WWOX: variants seen among roughly 807,000 people sequenced by gnomAD.
WWOX encodes the protein WW domain-containing oxidoreductase.
WWOX carries 69 observed loss-of-function variants against 46.2 expected under a neutral mutation model. That is an observed-to-expected ratio of 1.49 (90% CI 1.23 to 1.82). The LOEUF is 1.82. Ranked by LOEUF, WWOX falls within the 40% of genes most tolerant of loss-of-function variation. WWOX has a pLI of 0.00. For missense variants in WWOX, 919 were observed against 542.6 expected, an observed-to-expected ratio of 1.69 and a Z score of -6.89; for synonymous variants, 359 against 202.6, an observed-to-expected ratio of 1.77 and a Z score of -6.56.
intron 8 of WWOX, among the ~76,000 whole-genome samples, chr16:78,957,926 A>G (rs1022262538): frequency 2.0e-5 from 3 of 152,300 alleles, no homozygotes; most frequent in East Asian, 3.9e-4. Context: ...CAACAACTCA[A>G]TTCACTGTCA....
intron 8 of WWOX, among the ~76,000 whole-genome samples, chr16:79,176,251 G>A (rs956953094): frequency 3.3e-5 from 5 of 152,206 alleles, no homozygotes; most frequent in South Asian, 2.1e-4. Flanking sequence ...TGGCAGCTAC[G>A]TTCCACAAAG....
chr16:79,076,376 G>A (rs1391064034), intron 8 of WWOX, among the ~76,000 whole-genome samples: 1 of 152,176 alleles, frequency 6.6e-6, no homozygotes, highest in Non-Finnish European at 1.5e-5. Context: ...AATTCACAAA[G>A]TGTTCATTCT....
intron 8 of WWOX, among the ~76,000 whole-genome samples, chr16:78,893,877 A>G (rs931081088): frequency 1.3e-5 from 2 of 152,154 alleles, no homozygotes; most frequent in Non-Finnish European, 2.9e-5. Flanking sequence ...CTAGAACACA[A>G]GATTTTCTAG....
intron 5 of WWOX, among the ~76,000 whole-genome samples, chr16:78,215,782 C>T (rs1216275912): frequency 2.6e-5 from 4 of 151,888 alleles, no homozygotes; most frequent in South Asian, 2.1e-4. Flanking sequence ...ACAAAACAGC[C>T]GGGTATGGTG....
chr16:78,634,837 A>AGAGAGTGTGTGT (rs1346762709), intron 8 of WWOX, among the ~76,000 whole-genome samples: 33 of 111,720 alleles, frequency 3.0e-4, no homozygotes, highest in Non-Finnish European at 5.9e-4. Context: ...AGAGAGAGAG[A>AGAGAGTGTGTGT]GTGTGTGTGT....
intron 5 of WWOX, among the ~76,000 whole-genome samples, chr16:78,358,186 C>T (rs2081337167): frequency 6.6e-6 from 1 of 152,136 alleles, no homozygotes; most frequent in Non-Finnish European, 1.5e-5. Flanking sequence ...ATCAACAATT[C>T]TCCTATCGAA....
intron 8 of WWOX, among the ~76,000 whole-genome samples, chr16:78,554,692 C>T (rs775627640): frequency 8.6e-5 from 13 of 152,036 alleles, no homozygotes; most frequent in African/African-American, 1.2e-4. Context: ...TGAATAGGAC[C>T]GTAGAGGTGG....
chr16:78,144,468 C>CAT (rs1215805172), intron 4 of WWOX, among the ~76,000 whole-genome samples: 1,680 of 14,342 alleles, frequency 0.12, 332 homozygotes, highest in Middle Eastern at 0.3. Context: ...TATATACACA[C>CAT]ATATATATAT....
chr16:78,379,963 G>T (rs529640421), intron 5 of WWOX, among the ~76,000 whole-genome samples: 10 of 152,166 alleles, frequency 6.6e-5, no homozygotes, highest in Admixed American at 1.3e-4. Flanking sequence ...GATTGAATCT[G>T]GAAAACGCAT....
At chr16:78,684,823 A>T (rs1298450399) in intron 8 of WWOX, among the ~76,000 whole-genome samples, 1 of 152,192 alleles carries the variant, frequency 6.6e-6, no homozygotes, top group East Asian at 1.9e-4. Context: ...TGAAGCAGTT[A>T]TAGCTTCAGA....
rs1025434036 is a variant in WWOX at position 79,076,050 on chromosome 16, A to G, written c.1057-135558A>G. ...GTATATGTAGAACCATTTTCTTGAA[A>G]ATGTTTCTTAGAAATTTGTTACTTA... On this transcript the variant is annotated intron_variant, in intron 8 of 8. Transcript: ENST00000566780. 4.6e-5 allele frequency among the ~76,000 whole-genome samples: 7 copies of G among 152,160 alleles called. 1 individual carries two copies. The highest frequency in any genetic ancestry group is 1.0e-4 in the Non-Finnish European group (7 of 68,038).
chr16:78,315,929 C>G (rs1034328076), intron 5 of WWOX, among the ~76,000 whole-genome samples: 1 of 151,938 alleles, frequency 6.6e-6, no homozygotes, highest in Non-Finnish European at 1.5e-5. Context: ...TCAGGTTTCT[C>G]GTTTTCTTTT....
chr16:78,700,777 G>A (rs1324389339), intron 8 of WWOX, among the ~76,000 whole-genome samples: 2 of 152,204 alleles, frequency 1.3e-5, no homozygotes, highest in Non-Finnish European at 2.9e-5. Context: ...CTAGCATGGT[G>A]CTTGGCACTG....
Position 78,612,472 on chromosome 16 carries a change from G to GGTTTTT in WWOX, c.1056+179732_1056+179737dup, listed in dbSNP as rs562321418. Among the ~76,000 whole-genome samples the GGTTTTT allele has an allele frequency of 7.2e-5, 11 of 152,292 alleles. No individual in the cohort carries two copies. The East Asian group carries it at 1.9e-3, about 27-fold the overall frequency. On this transcript the variant is annotated intron_variant, in intron 8 of 8. Transcript: ENST00000566780. ...CGGGTGGCTCTTGGCACATGATGTAGGTTTTTGTTTTTGTTTTGTTTTGTA... is the reference window on the plus strand; with the variant it reads ...CGGGTGGCTCTTGGCACATGATGTAGGTTTTTGTTTTTGTTTTTGTTTTGTTTTGTA...
intron 6 of WWOX, among the ~76,000 whole-genome samples, chr16:78,413,057 C>G (rs1425298627): frequency 6.6e-6 from 1 of 152,124 alleles, no homozygotes. Flanking sequence ...AATGTAACCA[C>G]CTAATGGGTT....
chr16:78,967,065 C>CT (rs2046375034), intron 8 of WWOX, among the ~76,000 whole-genome samples: 1 of 152,082 alleles, frequency 6.6e-6, no homozygotes, highest in Admixed American at 6.6e-5. Context: ...GTTGTCCTTT[C>CT]TTTTCTCTTC....
intron 6 of WWOX, among the ~76,000 whole-genome samples, chr16:78,400,818 G>C (rs964976272): frequency 6.6e-6 from 1 of 152,186 alleles, no homozygotes; most frequent in Admixed American, 6.5e-5. Context: ...TCATATATCA[G>C]AATAGCACTT....
At chr16:79,166,029 A>C (rs1054538436) in intron 8 of WWOX, among the ~76,000 whole-genome samples, 1 of 152,236 alleles carries the variant, frequency 6.6e-6, no homozygotes, top group Non-Finnish European at 1.5e-5. Context: ...TCTGCATTTC[A>C]GGTACAGTGA....
chr16:79,084,078 T>A (rs2048811220), intron 8 of WWOX, among the ~76,000 whole-genome samples: 1 of 152,116 alleles, frequency 6.6e-6, no homozygotes, highest in Admixed American at 6.5e-5. Context: ...TTGATTTACA[T>A]GGTGGTGGAG....
Sources: gnomAD v4.1 joint callset for allele counts (sites outside exome capture counted in the v4.1 genomes callset) on GRCh38, gnomAD v4.1.1 for gene constraint, MANE v1.5 for transcripts, NCBI Gene and HGNC (gene_info 2026-07-23, HGNC 2026-07-21) for gene names.